The following GBX1 variants were observed in gnomAD, a reference collection of about 807,000 sequenced individuals.
GBX1 encodes the protein homeobox protein GBX-1.
Under a neutral mutation model 22.9 loss-of-function variants are expected in GBX1, and 9 were observed. That is an observed-to-expected ratio of 0.39 (90% CI 0.24 to 0.69). GBX1 has a LOEUF of 0.69. GBX1 is among the 30% of genes least tolerant of loss of function. GBX1 has a pLI of 0.43. For missense variants in GBX1, 494 were observed against 509.2 expected (o/e 0.97, Z 0.29); for synonymous variants, 203 against 227.3 (o/e 0.89, Z 0.96).
At chr7:151,166,474 A>AACCC (rs1801250995) in intron 1 of GBX1, among the ~76,000 whole-genome samples, 1 of 70,624 alleles carries the variant, frequency 1.4e-5, no homozygotes, top group African/African-American at 6.1e-5. Flanking sequence ...TTGAGACGCA[A>AACCC]CCCCCCCCCC....
intron 1 of GBX1, chr7:151,150,167 A>G (rs1176363579): frequency 2.1e-5 from 6 of 291,566 alleles, no homozygotes; most frequent in Non-Finnish European, 4.0e-5. Flanking sequence ...TAATCCACAC[A>G]ATTCTAAAAC....
chr7:151,164,203 G>A (rs1023899616), intron 1 of GBX1, among the ~76,000 whole-genome samples: 1 of 152,152 alleles, frequency 6.6e-6, no homozygotes, highest in African/African-American at 2.4e-5. Context: ...TTCACACAAG[G>A]AAAACAATTT....
intron 1 of GBX1, among the ~76,000 whole-genome samples, chr7:151,156,984 CA>C (rs34479548): frequency 0.018 from 883 of 50,082 alleles, 3 homozygotes; most frequent in Middle Eastern, 0.058. Flanking sequence ...GACTCTGTCT[CA>C]AAAAAAAAAA....
At chr7:151,151,463 C>G (rs1014680584) in intron 1 of GBX1, among the ~76,000 whole-genome samples, 2 of 152,096 alleles carry the variant, frequency 1.3e-5, no homozygotes, top group Non-Finnish European at 2.9e-5. Flanking sequence ...TCATTAAGGT[C>G]TCTTCTCCCA....
chr7:151,156,985 A>AG (rs1801142870), intron 1 of GBX1, among the ~76,000 whole-genome samples: 1 of 56,102 alleles, frequency 1.8e-5, no homozygotes, highest in South Asian at 4.4e-4. Flanking sequence ...ACTCTGTCTC[A>AG]AAAAAAAAAA....
At chr7:151,165,712 G>A (rs1184832578) in intron 1 of GBX1, among the ~76,000 whole-genome samples, 1 of 152,156 alleles carries the variant, frequency 6.6e-6, no homozygotes, top group Non-Finnish European at 1.5e-5. Context: ...GAAAACAACA[G>A]CTGAATCCCC....
chr7:151,149,229 T>C (rs1450695347), intron 1 of GBX1, 87 bp from the exon 2 acceptor site: 3 of 1,297,638 alleles, frequency 2.3e-6, no homozygotes, highest in South Asian at 1.4e-5. Flanking sequence ...TGGCCAGAAA[T>C]GGGGGGTTGG....
chr7:151,153,680 TGGGCCATAG>T (rs1242536959), intron 1 of GBX1, among the ~76,000 whole-genome samples: 1 of 152,090 alleles, frequency 6.6e-6, no homozygotes, highest in Non-Finnish European at 1.5e-5. Flanking sequence ...CCCAAGTAGC[TGGGCCATAG>T]GCGCACACCA....
chr7:151,166,966 A>T lies in GBX1; in HGVS notation c.538+45T>A, dbSNP rs766078419. ...GAGCAGGTTCCTGTCTGGAATTTCC[A>T]GGTGAACCGGCCTCCCGCCAGCCCT... On this transcript the variant is annotated intron_variant, in intron 1 of 1. Coordinates refer to ENST00000297537, the MANE Select transcript of GBX1 (RefSeq NM_001098834.3). The T allele has an allele frequency of 5.0e-6, 8 of 1,585,834 alleles. No individual in the cohort carries two copies. The East Asian group carries it at 1.2e-4, about 23-fold the overall frequency.
chr7:151,166,485 C>T lies in GBX1; in HGVS notation c.538+526G>A, dbSNP rs542260816. Among the ~76,000 whole-genome samples, 27 of 114,364 alleles carry T rather than the reference C, an allele frequency of 2.4e-4. No homozygotes were observed. In the South Asian group the frequency reaches 5.1e-3, roughly 21 times the overall value. 75.0% of individuals were successfully genotyped at this position (114,364 alleles called of 152,430 possible). ...GGCTTTGAGACGCAACCCCCCCCCC[C>T]CAACACACACACACACACACACTCT... On this transcript the variant is annotated intron_variant, in intron 1 of 1. Transcript: ENST00000297537.
chr7:151,165,109 T>G (rs1352744130), intron 1 of GBX1, among the ~76,000 whole-genome samples: 3 of 152,188 alleles, frequency 2.0e-5, no homozygotes, highest in African/African-American at 7.2e-5. Context: ...TTCTTCATGT[T>G]CTCTTTGTAT....
At position 151,154,117 on chromosome 7, in the gene GBX1, G is replaced by A. The variant is rs111509677; in HGVS notation, c.539-4975C>T. On this transcript the variant is annotated intron_variant, in intron 1 of 1. Coordinates refer to ENST00000297537, the MANE Select transcript of GBX1 (RefSeq NM_001098834.3). ...GCCAGGGGTGTTGGCGTGCGCCTGT[G>A]ATTCCAGCTACTTTTGAGGCTGAGG... is the stretch of plus-strand genomic sequence containing the variant. 2.2e-4 allele frequency among the ~76,000 whole-genome samples: 34 copies of A among 152,182 alleles called. 3 individuals are homozygous for A. Among genetic ancestry groups the A allele is most frequent in the Admixed American group, 5.9e-4 (9 of 15,288 alleles).
intron 1 of GBX1, among the ~76,000 whole-genome samples, chr7:151,162,804 C>CTT (rs111815011): frequency 1.6e-3 from 203 of 126,414 alleles, no homozygotes; most frequent in East Asian, 4.8e-3. Context: ...TTTCTTCTGC[C>CTT]TTTTTTTTTT....
chr7:151,166,482 C>CCCCCCG (rs1428025612), intron 1 of GBX1, among the ~76,000 whole-genome samples: 19 of 125,052 alleles, frequency 1.5e-4, no homozygotes, highest in African/African-American at 6.9e-4. Context: ...CAACCCCCCC[C>CCCCCCG]CCCCAACACA....
intron 1 of GBX1, among the ~76,000 whole-genome samples, chr7:151,151,006 A>G (rs1168673645): frequency 6.6e-6 from 1 of 152,226 alleles, no homozygotes; most frequent in African/African-American, 2.4e-5. Flanking sequence ...TGCCAGGATT[A>G]CAGGTGTGAG....
chr7:151,148,635 G>A lies in GBX1; in HGVS notation c.1046C>T (p.Ala349Val), dbSNP rs201566761. 2.3e-4 allele frequency: 371 copies of A among 1,614,042 alleles called. No individual in the cohort carries two copies. Among genetic ancestry groups the A allele is most frequent in the Non-Finnish European group, 3.1e-4 (361 of 1,180,034 alleles). Residue 349 changes from alanine to valine, a missense_variant, in exon 2 of 2, where the codon GCT (alanine) becomes GTT (valine). Physicochemically the swap from Ala to Val is moderately conservative, Grantham distance 64 (BLOSUM62 0). Transcript: ENST00000297537. This position sits in a 1 kb window ranked among gnomAD's most constrained non-coding sequence, Gnocchi z 5.1. ...VPIPVHVNRF[A>V]VRSQHQQMEQ... is the part of the protein sequence containing the mutation. ...CATTTGTTGGTGCTGGCTCCGCACA[G>A]CAAACCTGTTGACATGCACAGGTAT... is the stretch of plus-strand genomic sequence containing the variant.
intron 1 of GBX1, among the ~76,000 whole-genome samples, chr7:151,166,659 T>C (rs1801254951): frequency 6.6e-6 from 1 of 152,010 alleles, no homozygotes; most frequent in Non-Finnish European, 1.5e-5. Flanking sequence ...AATCCCATCC[T>C]TGTAGCTTGT....
intron 1 of GBX1, among the ~76,000 whole-genome samples, chr7:151,160,652 A>G (rs1368602085): frequency 1.3e-5 from 2 of 152,238 alleles, no homozygotes; most frequent in South Asian, 4.1e-4. Context: ...TTTCTACTAC[A>G]CCTGAATTCA....
chr7:151,157,873 A>G (rs1349189786), intron 1 of GBX1, among the ~76,000 whole-genome samples: 1 of 152,178 alleles, frequency 6.6e-6, no homozygotes, highest in Non-Finnish European at 1.5e-5. Context: ...TTACACTAGA[A>G]TCCACTCAGG....
Sources: allele counts gnomAD v4.1 joint callset (sites outside exome capture counted in the v4.1 genomes callset), GRCh38; gene constraint gnomAD v4.1.1; non-coding constraint Gnocchi (gnomAD v3.1); transcripts MANE v1.5; gene names NCBI Gene and HGNC (gene_info 2026-07-23, HGNC 2026-07-21).